Variants in IKZF1 observed in about 807,000 individuals in gnomAD.
IKZF1 encodes DNA-binding protein Ikaros.
IKZF1 carries 10 observed loss-of-function variants against 51.7 expected under a neutral mutation model. The observed-to-expected ratio is 0.19, with a 90% CI of 0.12 to 0.33. The LOEUF is 0.33. Ranked by LOEUF, IKZF1 falls within the 10% of genes least tolerant of loss-of-function variation. The pLI, the probability that IKZF1 is intolerant of heterozygous loss-of-function variation, is 1.00. For missense variants in IKZF1, 484 were observed against 707.5 expected, an observed-to-expected ratio of 0.68 and a Z score of 3.58; for synonymous variants, 280 against 282.3, an observed-to-expected ratio of 0.99 and a Z score of 0.08.
intron 1 of IKZF1, among the ~76,000 whole-genome samples, chr7:50,306,219 C>T (rs1201146490): frequency 2.6e-5 from 4 of 152,262 alleles, no homozygotes; most frequent in Middle Eastern, 3.4e-3. Flanking sequence ...AATGATGTCA[C>T]ATTAAAAATA....
intron 1 of IKZF1, among the ~76,000 whole-genome samples, chr7:50,309,181 A>G (rs562241453): frequency 6.6e-6 from 1 of 152,278 alleles, no homozygotes; most frequent in South Asian, 2.1e-4. Context: ...ATTAGTGGAA[A>G]AGTGCTTTCT....
chr7:50,387,799 A>G (rs1479730873), intron 6 of IKZF1, among the ~76,000 whole-genome samples: 1 of 152,240 alleles, frequency 6.6e-6, no homozygotes, highest in East Asian at 1.9e-4. Context: ...AACAAAAAAA[A>G]CACCTCAAGT....
Position 50,402,081 on chromosome 7 carries a change from C to A in IKZF1, c.*1454C>A, listed in dbSNP as rs75168275. 7.6e-3 allele frequency: 1,763 copies of A among 230,870 alleles called. 27 individuals are homozygous for A. The highest frequency in any genetic ancestry group is 0.035 in the African/African-American group (1,604 of 45,276). The allele number at this position is 230,870 out of a possible 1,614,324, so 14.3% of individuals were successfully genotyped here. A position where few individuals can be genotyped will look rare whatever the true frequency, so the allele number is the denominator to read the frequency against. On this transcript the variant is annotated 3_prime_UTR_variant, in exon 8 of 8. Transcript: ENST00000331340. ...CCATCCGTGCTATGACATGGAGGCA[C>A]TGAAGCCCGAGGAAGGTGTGTGGAG...
At chr7:50,397,374 G>A (rs1055057333) in intron 7 of IKZF1, among the ~76,000 whole-genome samples, 3 of 152,148 alleles carry the variant, frequency 2.0e-5, no homozygotes, top group African/African-American at 7.2e-5. Flanking sequence ...AAATTCTATG[G>A]TAATTTTCAT....
chr7:50,393,990 C>A, intron 7 of IKZF1: 2 of 232,432 alleles, frequency 8.6e-6, no homozygotes, highest in Non-Finnish European at 1.7e-5. Context: ...AGGAGAGATT[C>A]ATCTGTGAAA....
intron 3 of IKZF1, among the ~76,000 whole-genome samples, chr7:50,332,930 A>G (rs1329398864): frequency 6.6e-6 from 1 of 152,140 alleles, no homozygotes; most frequent in African/African-American, 2.4e-5. Context: ...TGGTTTCATG[A>G]GTGGTTTATT....
At chr7:50,337,138 G>A (rs1039717906) in intron 3 of IKZF1, among the ~76,000 whole-genome samples, 3 of 152,092 alleles carry the variant, frequency 2.0e-5, no homozygotes, top group African/African-American at 7.2e-5. Flanking sequence ...CAGGAGAGGA[G>A]GCAGCAGCTG....
intron 3 of IKZF1, among the ~76,000 whole-genome samples, chr7:50,349,299 C>G (rs2153428189): frequency 6.6e-6 from 1 of 152,202 alleles, no homozygotes; most frequent in Middle Eastern, 3.4e-3. Flanking sequence ...TCTAGTTTTT[C>G]TTGCGAAGTG....
intron 2 of IKZF1, among the ~76,000 whole-genome samples, chr7:50,321,497 A>T (rs1424839896): frequency 6.6e-6 from 1 of 152,228 alleles, no homozygotes; most frequent in Admixed American, 6.5e-5. Flanking sequence ...AAACCCAAGC[A>T]TGTTAAAAAT....
intron 2 of IKZF1, among the ~76,000 whole-genome samples, chr7:50,323,791 A>G (rs1446476866): frequency 6.6e-6 from 1 of 152,254 alleles, no homozygotes; most frequent in Non-Finnish European, 1.5e-5. Flanking sequence ...TTCTATGTGC[A>G]TATAGTTTAC....
intron 4 of IKZF1, chr7:50,377,411 CCT>C (rs1389744422): frequency 1.3e-5 from 2 of 153,258 alleles, no homozygotes; most frequent in African/African-American, 4.8e-5. Context: ...TCCCAAATAC[CCT>C]GTCTTGCTGA....
Position 50,402,754 on chromosome 7 carries a change from A to T in IKZF1, c.*2127A>T, listed in dbSNP as rs1174632678. On this transcript the variant is annotated 3_prime_UTR_variant, in exon 8 of 8. Transcript: ENST00000331340. ...TTTACAAAGATACCATTCTTGAGTC[A>T]TGGATTTCTCTGCTCACAGAAGGGT... 1 of 229,878 alleles carries T rather than the reference A, an allele frequency of 4.4e-6. No homozygotes were observed. The highest frequency in any genetic ancestry group is 8.6e-6 in the Non-Finnish European group (1 of 115,982). 14.2% of individuals were successfully genotyped at this position (229,878 alleles called of 1,614,324 possible). A position where few individuals can be genotyped will look rare whatever the true frequency, so the allele number is the denominator to read the frequency against.
intron 3 of IKZF1, among the ~76,000 whole-genome samples, chr7:50,346,862 G>C (rs1435826656): frequency 6.6e-6 from 1 of 152,112 alleles, no homozygotes; most frequent in Non-Finnish European, 1.5e-5. Flanking sequence ...CATTTCTGAG[G>C]GGCAGAGAGC....
intron 3 of IKZF1, among the ~76,000 whole-genome samples, chr7:50,362,070 G>T (rs74713904): frequency 7.2e-5 from 11 of 152,112 alleles, no homozygotes; most frequent in African/African-American, 2.4e-4. Context: ...AATAGGACTG[G>T]TGCCTAGTTG....
At chr7:50,343,288 C>T (rs1193501527) in intron 3 of IKZF1, among the ~76,000 whole-genome samples, 1 of 141,534 alleles carries the variant, frequency 7.1e-6, no homozygotes, top group Non-Finnish European at 1.5e-5. Flanking sequence ...CTCTTCTTTT[C>T]TCCATCCCTT....
chr7:50,312,545 A>G (rs1445340184), intron 1 of IKZF1, among the ~76,000 whole-genome samples: 2 of 152,354 alleles, frequency 1.3e-5, no homozygotes, highest in South Asian at 4.1e-4. Context: ...AGTATCTGCC[A>G]TCTTTTCTTA....
intron 3 of IKZF1, among the ~76,000 whole-genome samples, chr7:50,354,663 G>A (rs1197505502): frequency 6.6e-6 from 1 of 152,084 alleles, no homozygotes; most frequent in Non-Finnish European, 1.5e-5. Context: ...GGAGTCACGG[G>A]TCTTCCATTA....
At chr7:50,351,113 CA>C (rs1376397055) in intron 3 of IKZF1, among the ~76,000 whole-genome samples, 1 of 152,160 alleles carries the variant, frequency 6.6e-6, no homozygotes, top group Non-Finnish European at 1.5e-5. Flanking sequence ...TTAAGATCAC[CA>C]AAACATTTAC....
rs1040759629 is a variant in IKZF1, at chr7:50,338,672, A to G, written c.160+10915A>G. On this transcript the variant is annotated intron_variant, in intron 3 of 7. Transcript: ENST00000331340. ...GGCTTAAACAGAGTACAGCCTTAACATTGCCCCGGAAAGTTTCCACAGAAC... is the reference window on the plus strand; with the variant it reads ...GGCTTAAACAGAGTACAGCCTTAACGTTGCCCCGGAAAGTTTCCACAGAAC... Among the ~76,000 whole-genome samples, 3 of 152,190 alleles carry G rather than the reference A, an allele frequency of 2.0e-5. No homozygotes were observed. In the South Asian group the frequency reaches 6.2e-4, roughly 31 times the overall value.
Sources: gnomAD v4.1 joint callset for allele counts (sites outside exome capture counted in the v4.1 genomes callset) on GRCh38, gnomAD v4.1.1 for gene constraint, MANE v1.5 for transcripts, NCBI Gene and HGNC (gene_info 2026-07-23, HGNC 2026-07-21) for gene names.